Variants in MAN1A2 observed in about 807,000 individuals in gnomAD.
MAN1A2 encodes mannosyl-oligosaccharide 1,2-alpha-mannosidase IB.
In MAN1A2, 26 loss-of-function variants were observed where a neutral mutation model predicts 75.7. That is an observed-to-expected ratio of 0.34 (90% CI 0.25 to 0.48). MAN1A2 has a LOEUF of 0.48. MAN1A2 is among the 20% of genes least tolerant of loss of function. The pLI is 0.99. For missense variants in MAN1A2, 562 were observed against 775.5 expected (o/e 0.72, Z 3.27); for synonymous variants, 247 against 264.6 (o/e 0.93, Z 0.65).
intron 5 of MAN1A2, among the ~76,000 whole-genome samples, chr1:117,421,371 A>G (rs970457179): frequency 6.6e-6 from 1 of 152,058 alleles, no homozygotes; most frequent in African/African-American, 2.4e-5. Flanking sequence ...ATAAAGATAC[A>G]TATCTATGTT....
At chr1:117,429,964 C>A (rs1418828897) in intron 5 of MAN1A2, among the ~76,000 whole-genome samples, 2 of 73,244 alleles carry the variant, frequency 2.7e-5, no homozygotes, top group Non-Finnish European at 5.7e-5. Flanking sequence ...CCAGACGGGG[C>A]GGCTGGCCGG....
intron 5 of MAN1A2, among the ~76,000 whole-genome samples, chr1:117,435,440 TA>T (rs1382367348): frequency 6.6e-6 from 1 of 152,170 alleles, no homozygotes; most frequent in Admixed American, 6.5e-5. Context: ...GGTCAATCCT[TA>T]ATAAGATCTG....
rs1651979344 is a variant in MAN1A2, at chr1:117,525,255, C to CT, written c.*2300dup. ...AATGGAAGGGTCTTCTTCACCACTC[C>CT]TTACCTTCTATGTGATGGAAAGACT... On this transcript the variant is annotated 3_prime_UTR_variant, in exon 13 of 13. Transcript: ENST00000356554. 7.3e-6 allele frequency: 3 copies of CT among 408,196 alleles called. No homozygotes were observed. The highest frequency in any genetic ancestry group is 1.5e-5 in the Non-Finnish European group (3 of 195,720). 25.3% of individuals were successfully genotyped at this position (408,196 alleles called of 1,614,324 possible).
intron 6 of MAN1A2, among the ~76,000 whole-genome samples, chr1:117,454,756 CGCATAGTGGG>C (rs1649526716): frequency 6.6e-6 from 1 of 152,070 alleles, no homozygotes; most frequent in Non-Finnish European, 1.5e-5. Flanking sequence ...AATAATAACT[CGCATAGTGGG>C]GCCTATAGTA....
intron 4 of MAN1A2, among the ~76,000 whole-genome samples, chr1:117,415,185 T>C (rs562726137): frequency 5.9e-5 from 9 of 152,246 alleles, no homozygotes; most frequent in African/African-American, 1.9e-4. Context: ...GCATTCTTGG[T>C]GTGCGACTTG....
At chr1:117,372,640 C>G (rs917452658) in intron 1 of MAN1A2, among the ~76,000 whole-genome samples, 1 of 151,980 alleles carries the variant, frequency 6.6e-6, no homozygotes, top group Non-Finnish European at 1.5e-5. Flanking sequence ...TATGATTTTG[C>G]AGTACCCAAA....
intron 5 of MAN1A2, among the ~76,000 whole-genome samples, chr1:117,436,831 A>T (rs1648864469): frequency 6.6e-6 from 1 of 152,244 alleles, no homozygotes; most frequent in Admixed American, 6.5e-5. Context: ...ACTTTTCTAT[A>T]AATAATAAAG....
In MAN1A2 at chr1:117,463,399, A is replaced by G. The variant is rs1365991260; in HGVS notation, c.1074+2787A>G. ...GGGCGTCAAATATGTAATTGCCTAC[A>G]GCTCCAGCAGAGTTCTCACCTCTCA... On this transcript the variant is annotated intron_variant, in intron 7 of 12. Coordinates refer to ENST00000356554, the MANE Select transcript of MAN1A2 (RefSeq NM_006699.5). 2.0e-5 allele frequency among the ~76,000 whole-genome samples: 3 copies of G among 151,998 alleles called. No homozygotes were observed. The East Asian group carries it at 5.8e-4, about 29-fold the overall frequency.
intron 5 of MAN1A2, among the ~76,000 whole-genome samples, chr1:117,423,889 T>C (rs958055064): frequency 4.0e-5 from 6 of 151,196 alleles, no homozygotes; most frequent in South Asian, 2.1e-4. Context: ...TTCTTTCTTT[T>C]TTTTTTTTTT....
chr1:117,494,300 TAGAA>T (rs1284471078), intron 9 of MAN1A2: 1 of 152,098 alleles, frequency 6.6e-6, no homozygotes, highest in Non-Finnish European at 1.5e-5. Flanking sequence ...AACTGTGAAA[TAGAA>T]AAGTAAGTCA....
intron 7 of MAN1A2, among the ~76,000 whole-genome samples, chr1:117,461,462 A>AG (rs1230145685): frequency 4.6e-5 from 7 of 152,194 alleles, no homozygotes; most frequent in African/African-American, 7.2e-5. Flanking sequence ...ACAGTTACAT[A>AG]GAATGAATAA....
chr1:117,377,447 C>G (rs558431181), intron 1 of MAN1A2, among the ~76,000 whole-genome samples: 1 of 152,260 alleles, frequency 6.6e-6, no homozygotes, highest in Admixed American at 6.5e-5. Flanking sequence ...TTCTTTGATT[C>G]AGCAATCCTT....
chr1:117,480,305 G>C (rs138556878), intron 8 of MAN1A2, among the ~76,000 whole-genome samples: 12 of 151,926 alleles, frequency 7.9e-5, no homozygotes, highest in African/African-American at 2.9e-4. Flanking sequence ...ATAGGTCTGT[G>C]CCTTAATTTT....
chr1:117,429,856 G>C (rs1420471066), intron 5 of MAN1A2, among the ~76,000 whole-genome samples: 8 of 73,758 alleles, frequency 1.1e-4, no homozygotes, highest in African/African-American at 4.2e-4. Context: ...CGGGCGGGGG[G>C]CCGACCCCCC....
intron 11 of MAN1A2, among the ~76,000 whole-genome samples, chr1:117,501,009 G>A (rs767157992): frequency 4.6e-5 from 7 of 151,786 alleles, no homozygotes; most frequent in African/African-American, 7.2e-5. Flanking sequence ...TCTGAATCAC[G>A]TGAGGAGTGG....
intron 12 of MAN1A2, among the ~76,000 whole-genome samples, chr1:117,522,262 TCAACTCTAA>T (rs1331719776): frequency 6.6e-6 from 1 of 151,870 alleles, no homozygotes; most frequent in African/African-American, 2.4e-5. Context: ...TTTTGACAAA[TCAACTCTAA>T]CAACAAATTA....
Position 117,463,144 on chromosome 1 carries a change from A to G in MAN1A2, c.1074+2532A>G, listed in dbSNP as rs1328862625. On this transcript the variant is annotated intron_variant, in intron 7 of 12. Transcript: ENST00000356554. ...TAAAAATTATTTTTATATCAATTAT[A>G]TTAATAAAAATATTAAAGACAGTAC... Among the ~76,000 whole-genome samples the G allele has an allele frequency of 2.6e-5, 4 of 151,086 alleles. No homozygotes were observed. The East Asian group carries it at 7.7e-4, about 29-fold the overall frequency.
rs553172188 is a variant in MAN1A2 at position 117,449,312 on chromosome 1, A to G, written c.950+6987A>G. On this transcript the variant is annotated intron_variant, in intron 6 of 12. Coordinates refer to ENST00000356554, the MANE Select transcript of MAN1A2 (RefSeq NM_006699.5). ...GGTGGCTCACACCTGTAATCCCAGC[A>G]TTTTGGGAGGCTGAGGCATGCAGAT... 6.6e-5 allele frequency among the ~76,000 whole-genome samples: 10 copies of G among 152,282 alleles called. No homozygotes were observed. The East Asian group carries it at 1.7e-3, about 26-fold the overall frequency.
At chr1:117,509,158 AAGAC>A (rs1207674219) in intron 12 of MAN1A2, among the ~76,000 whole-genome samples, 4 of 151,826 alleles carry the variant, frequency 2.6e-5, no homozygotes, top group African/African-American at 7.2e-5. Flanking sequence ...AGTAAAGTAA[AAGAC>A]AGATGGCACA....
Sources: gnomAD v4.1 joint callset for allele counts (sites outside exome capture counted in the v4.1 genomes callset) on GRCh38, gnomAD v4.1.1 for gene constraint, MANE v1.5 for transcripts, NCBI Gene and HGNC (gene_info 2026-07-23, HGNC 2026-07-21) for gene names.